Variants in TUBGCP2 observed in about 807,000 individuals in gnomAD.
TUBGCP2 encodes gamma-tubulin complex component 2.
Under a neutral mutation model 92.2 loss-of-function variants are expected in TUBGCP2, and 55 were observed. That is an observed-to-expected ratio of 0.60 (90% CI 0.48 to 0.75). The LOEUF (loss-of-function observed/expected upper bound fraction) is 0.75, where lower values mean the gene tolerates loss of function less well. Among genes scored for constraint, TUBGCP2 ranks in the 30% least tolerant of loss-of-function variants. The probability of loss-of-function intolerance (pLI) is 0.00; values close to 1 mark genes in which losing one functional copy is unlikely to be tolerated. For missense variants in TUBGCP2, 1,093 were observed against 1,188.9 expected, an observed-to-expected ratio of 0.92 and a Z score of 1.19; for synonymous variants, 533 against 505.2, an observed-to-expected ratio of 1.06 and a Z score of -0.74.
chr10:133,303,098 G>C, intron 1 of TUBGCP2, 118 bp from the exon 2 acceptor site: 1 of 957,558 alleles, frequency 1.0e-6, no homozygotes, highest in Non-Finnish European at 1.5e-6. Context: ...CACCTGGCCT[G>C]CCTGGCCTAG....
intron 13 of TUBGCP2, among the ~76,000 whole-genome samples, chr10:133,284,380 C>T (rs749395858): frequency 1.3e-5 from 2 of 152,078 alleles, no homozygotes; most frequent in East Asian, 3.8e-4. Context: ...TTTTTTTCTT[C>T]GAGAGACAGG....
rs531032189 is a variant in TUBGCP2 at position 133,299,853 on chromosome 10, A to G, written c.279+132T>C. On this transcript the variant is annotated intron_variant, in intron 3 of 17. Coordinates refer to ENST00000252936, the MANE Select transcript of TUBGCP2 (RefSeq NM_006659.4). ...TTCTGATTCACCAAAAATTTCCTAC[A>G]TGGCCTAGAAGCGTTACTGGTGTGA... 2.4e-5 allele frequency: 31 copies of G among 1,298,750 alleles called. No homozygotes were observed. The African/African-American group carries it at 3.7e-4, about 16-fold the overall frequency. 80.5% of individuals were successfully genotyped at this position (1,298,750 alleles called of 1,614,324 possible).
At chr10:133,309,629 T>C (rs1015975736), upstream of TUBGCP2, 2 of 1,254,864 alleles carry the variant, frequency 1.6e-6, no homozygotes, top group African/African-American at 1.5e-5. Context: ...CTAGCCTGTT[T>C]GTGAAACTTA....
intron 9 of TUBGCP2, 66 bp from the exon 10 acceptor site, chr10:133,289,086 T>G: frequency 6.4e-7 from 1 of 1,552,030 alleles, no homozygotes; most frequent in South Asian, 1.2e-5. Context: ...GCTGTCTTTG[T>G]CTACACAGGA....
chr10:133,309,255 T>C, upstream of TUBGCP2: 2 of 1,271,522 alleles, frequency 1.6e-6, no homozygotes, highest in Non-Finnish European at 2.1e-6. Flanking sequence ...GGCCGGAACG[T>C]GGAGTGGGCG....
chr10:133,310,131 G>T (rs1193446649), upstream of TUBGCP2: 3 of 1,613,042 alleles, frequency 1.9e-6, no homozygotes, highest in Non-Finnish European at 2.5e-6. Context: ...GAGGGCCAGG[G>T]GTCAGAGGGA....
chr10:133,281,220 G>A (rs989738299), intron 17 of TUBGCP2, 53 bp downstream of exon 17: 30 of 1,588,266 alleles, frequency 1.9e-5, no homozygotes, highest in East Asian at 9.0e-5. Context: ...CTGGGCAGGG[G>A]CAGGCGCTGG....
upstream of TUBGCP2, chr10:133,309,903 G>A (rs1368379267): frequency 8.1e-6 from 13 of 1,613,536 alleles, no homozygotes; most frequent in Non-Finnish European, 1.0e-5. Flanking sequence ...CTTCCCTTCC[G>A]GACACCTGCT....
intron 16 of TUBGCP2, 84 bp from the exon 17 acceptor site, chr10:133,281,520 G>A (rs1846977577): frequency 5.4e-6 from 8 of 1,495,238 alleles, no homozygotes; most frequent in Non-Finnish European, 1.8e-6. Context: ...GCAGGCCGGT[G>A]TCCTTTCCCT....
At chr10:133,283,401 C>T (rs1226702133) in intron 14 of TUBGCP2, among the ~76,000 whole-genome samples, 180 bp from the exon 15 acceptor site, 3 of 141,130 alleles carry the variant, frequency 2.1e-5, no homozygotes, top group Admixed American at 1.4e-4. Context: ...GGGCACACCC[C>T]GAAGGGGTTT....
intron 11 of TUBGCP2, 82 bp downstream of exon 11, chr10:133,288,047 C>T: frequency 4.0e-6 from 6 of 1,488,496 alleles, no homozygotes; most frequent in South Asian, 1.3e-5. Context: ...GAGTGGGGGA[C>T]AGGGCTGGCC....
At chr10:133,306,331 G>A (rs920627671) in intron 1 of TUBGCP2, among the ~76,000 whole-genome samples, 1 of 152,126 alleles carries the variant, frequency 6.6e-6, no homozygotes, top group Non-Finnish European at 1.5e-5. Context: ...ATTCTACTCG[G>A]CTCCCCGAGG....
upstream of TUBGCP2, chr10:133,310,259 C>G: frequency 1.2e-6 from 2 of 1,614,010 alleles, no homozygotes; most frequent in South Asian, 1.1e-5. Context: ...CCGCGGACTT[C>G]CGGTTTGATA....
At chr10:133,310,007 C>G (rs1453437263), upstream of TUBGCP2, 1 of 1,611,766 alleles carries the variant, frequency 6.2e-7, no homozygotes, top group South Asian at 1.1e-5. Flanking sequence ...CCGCCGAGGC[C>G]ACCCCCCATT....
At chr10:133,281,687 C>T (rs935616680) in intron 16 of TUBGCP2, among the ~76,000 whole-genome samples, 5 of 152,378 alleles carry the variant, frequency 3.3e-5, no homozygotes, top group African/African-American at 1.2e-4. Context: ...GTGAGATGAA[C>T]GAGCTTTCCC....
At chr10:133,281,188 G>T (rs1846964767) in intron 17 of TUBGCP2, 85 bp downstream of exon 17, 2 of 1,411,932 alleles carry the variant, frequency 1.4e-6, no homozygotes, top group Non-Finnish European at 1.9e-6. Flanking sequence ...CTGAGCTGAG[G>T]AAGGGCTGAG....
In TUBGCP2 at chr10:133,285,063, C is replaced by CG; in HGVS notation, c.2024+21dup. The CG allele has an allele frequency of 6.3e-7, 1 of 1,583,930 alleles. No individual in the cohort carries two copies. Among genetic ancestry groups the CG allele is most frequent in the Non-Finnish European group, 8.6e-7 (1 of 1,161,316 alleles). On this transcript the variant is annotated intron_variant, in intron 13 of 17. Coordinates refer to ENST00000252936, the MANE Select transcript of TUBGCP2 (RefSeq NM_006659.4). This position sits in a 1 kb window ranked among gnomAD's most constrained non-coding sequence, Gnocchi z 6.8. Reference sequence around the variant, plus strand: ...GCGAGCGCTGCTTCAGGAGGGCATGCGGGGGCAGAGGAAGAACGCACCACT... The same window carrying CG: ...GCGAGCGCTGCTTCAGGAGGGCATGCGGGGGGCAGAGGAAGAACGCACCACT...
In TUBGCP2 at chr10:133,308,836, CCACAGCCCCCG is replaced by C; in HGVS notation, c.-64_-54del. The C allele has an allele frequency of 2.0e-6, 2 of 999,788 alleles. No homozygotes were observed. Among genetic ancestry groups the C allele is most frequent in the Non-Finnish European group, 1.3e-6 (1 of 787,938 alleles). The allele number at this position is 999,788 out of a possible 1,614,324, so 61.9% of individuals were successfully genotyped here. On this transcript the variant is annotated 5_prime_UTR_variant, in exon 1 of 18. Coordinates refer to ENST00000252936, the MANE Select transcript of TUBGCP2 (RefSeq NM_006659.4). ...GCCAGGACTCACCGCAGTCCCGGAGCCACAGCCCCCGCGCAGCCCCCGACGGCGGCGGAAGT... is the reference window on the plus strand; with the variant it reads ...GCCAGGACTCACCGCAGTCCCGGAGCCGCAGCCCCCGACGGCGGCGGAAGT...
intron 1 of TUBGCP2, among the ~76,000 whole-genome samples, chr10:133,304,608 A>G (rs1847762549): frequency 6.6e-6 from 1 of 152,246 alleles, no homozygotes; most frequent in African/African-American, 2.4e-5. Context: ...CAAGCCACCC[A>G]GGTGCCGAGG....
Sources: gnomAD v4.1 joint callset for allele counts (sites outside exome capture counted in the v4.1 genomes callset) on GRCh38, gnomAD v4.1.1 for gene constraint, Gnocchi (gnomAD v3.1) non-coding constraint, MANE v1.5 for transcripts, NCBI Gene and HGNC (gene_info 2026-07-23, HGNC 2026-07-21) for gene names.